Variants in ITSN1 observed in about 807,000 individuals in gnomAD.
ITSN1 encodes the protein intersectin 1.
A neutral mutation model predicts 239.8 loss-of-function variants in ITSN1; 58 were observed. That is an observed-to-expected ratio of 0.24 (90% CI 0.20 to 0.30). The LOEUF (loss-of-function observed/expected upper bound fraction) is 0.30, where lower values mean the gene tolerates loss of function less well. Among genes scored for constraint, ITSN1 ranks in the 10% least tolerant of loss-of-function variants. The probability of loss-of-function intolerance (pLI) is 1.00; values close to 1 mark genes in which losing one functional copy is unlikely to be tolerated. For missense variants in ITSN1, 1,558 were observed against 2,103.3 expected (o/e 0.74, Z 5.07); for synonymous variants, 780 against 770.8 (o/e 1.01, Z -0.20).
chr21:33,854,369 G>A (rs58612291), intron 29 of ITSN1, among the ~76,000 whole-genome samples: 5,095 of 152,302 alleles, frequency 0.033, 132 homozygotes, highest in African/African-American at 0.058. Flanking sequence ...CATCCTGAAC[G>A]CTCCAGGGAC....
chr21:33,784,423 A>C (rs564068435), intron 16 of ITSN1, among the ~76,000 whole-genome samples: 1 of 151,944 alleles, frequency 6.6e-6, no homozygotes, highest in Non-Finnish European at 1.5e-5. Flanking sequence ...GAATCACTTG[A>C]GTCTGGGAGG....
chr21:33,804,602 A>G (rs2072262267), intron 20 of ITSN1, among the ~76,000 whole-genome samples: 1 of 152,220 alleles, frequency 6.6e-6, no homozygotes. Context: ...CGTAGAAAAT[A>G]CATGGCCTCT....
chr21:33,675,315 G>A (rs1330663958), intron 1 of ITSN1, among the ~76,000 whole-genome samples: 1 of 152,096 alleles, frequency 6.6e-6, no homozygotes, highest in Non-Finnish European at 1.5e-5. Flanking sequence ...TGTAATCCCA[G>A]CACTTTGGGA....
At chr21:33,697,018 T>C (rs1375766083) in intron 1 of ITSN1, among the ~76,000 whole-genome samples, 1 of 152,130 alleles carries the variant, frequency 6.6e-6, no homozygotes, top group Non-Finnish European at 1.5e-5. Flanking sequence ...CCTTTATGTA[T>C]GGGCTTTGCA....
chr21:33,668,484 C>T (rs935248564), intron 1 of ITSN1, among the ~76,000 whole-genome samples: 8 of 152,140 alleles, frequency 5.3e-5, no homozygotes, highest in Non-Finnish European at 1.2e-4. Flanking sequence ...CGCCTACTTC[C>T]CTTTTGCTCT....
intron 29 of ITSN1, chr21:33,836,858 C>G: frequency 1.4e-6 from 1 of 712,902 alleles, no homozygotes; most frequent in Non-Finnish European, 2.3e-6. Context: ...TCCCTCCCCT[C>G]CCTCCTTTTT....
intron 21 of ITSN1, 47 bp downstream of exon 21, chr21:33,811,269 G>T (rs556356549): frequency 6.6e-7 from 1 of 1,515,996 alleles, no homozygotes; most frequent in African/African-American, 1.4e-5. Context: ...ATCCCAATTT[G>T]ATCATTTCCC....
intron 1 of ITSN1, among the ~76,000 whole-genome samples, chr21:33,644,246 AT>A (rs1359938505): frequency 6.6e-6 from 1 of 152,208 alleles, no homozygotes; most frequent in Non-Finnish European, 1.5e-5. Context: ...AAGTAAAAAC[AT>A]TGAAAAATAC....
chr21:33,701,816 CTAG>C (rs1191221043), intron 1 of ITSN1, among the ~76,000 whole-genome samples: 1 of 151,586 alleles, frequency 6.6e-6, no homozygotes, highest in Non-Finnish European at 1.5e-5. Flanking sequence ...GGCCGGAATC[CTAG>C]CACTTTGGGA....
Position 33,747,344 on chromosome 21 carries a change from A to G in ITSN1, c.347-2799A>G, listed in dbSNP as rs60248570. ...TAACAAAGTTTCAGAGACTTATGGA[A>G]CAAGACCAAGTTTACCAATATGTGT... is the stretch of plus-strand genomic sequence containing the variant. On this transcript the variant is annotated intron_variant, in intron 5 of 39. Transcript: ENST00000381318. Among the ~76,000 whole-genome samples the G allele has an allele frequency of 1.7e-3, 262 of 152,334 alleles. 1 individual carries two copies. Among genetic ancestry groups the G allele is most frequent in the African/African-American group, 6.1e-3 (252 of 41,568 alleles).
chr21:33,790,405 AGTACT>A (rs2071027750), intron 16 of ITSN1, among the ~76,000 whole-genome samples: 1 of 152,120 alleles, frequency 6.6e-6, no homozygotes, highest in Non-Finnish European at 1.5e-5. Flanking sequence ...TATTTAAGAA[AGTACT>A]GTAATTATGT....
At chr21:33,731,785 A>G (rs2066202741) in intron 4 of ITSN1, among the ~76,000 whole-genome samples, 1 of 152,226 alleles carries the variant, frequency 6.6e-6, no homozygotes, top group Non-Finnish European at 1.5e-5. Flanking sequence ...TAGAAAGGAA[A>G]CTACTTAAAT....
chr21:33,753,871 A>G (rs2067734503), intron 7 of ITSN1, among the ~76,000 whole-genome samples: 1 of 151,264 alleles, frequency 6.6e-6, no homozygotes, highest in African/African-American at 2.4e-5. Flanking sequence ...GATTTGTGAC[A>G]TTAGAATGAA....
At chr21:33,888,122 C>T (rs1602733826) in intron 39 of ITSN1, 30 bp from the exon 40 acceptor site, 1 of 1,342,204 alleles carries the variant, frequency 7.5e-7, no homozygotes, top group African/African-American at 1.9e-5. Flanking sequence ...AATGGTCCCT[C>T]TTAGGAGGGT....
At chr21:33,684,554 A>G (rs754472392) in intron 1 of ITSN1, among the ~76,000 whole-genome samples, 2 of 152,110 alleles carry the variant, frequency 1.3e-5, no homozygotes, top group African/African-American at 4.8e-5. Flanking sequence ...TAAAACCTGT[A>G]TTTGGGGGTA....
rs139147798 is a variant in ITSN1 at position 33,872,418 on chromosome 21, A to G, written c.4174-2936A>G. ...GATATATTATAAAACCCTCAAAATGATAATATGTATGAAATGGACATGGAA... is the reference window on the plus strand; with the variant it reads ...GATATATTATAAAACCCTCAAAATGGTAATATGTATGAAATGGACATGGAA... On this transcript the variant is annotated intron_variant, in intron 33 of 39. Transcript: ENST00000381318. Among the ~76,000 whole-genome samples the G allele has an allele frequency of 1.7e-4, 26 of 152,378 alleles. No individual in the cohort carries two copies. The East Asian group carries it at 4.6e-3, about 27-fold the overall frequency.
intron 22 of ITSN1, among the ~76,000 whole-genome samples, chr21:33,815,633 C>T (rs747593743): frequency 5.3e-5 from 8 of 152,100 alleles, no homozygotes; most frequent in Non-Finnish European, 1.0e-4. Flanking sequence ...AAGAACCAGC[C>T]ATGTTGCCAG....
At chr21:33,647,422 CTA>C (rs999120606) in intron 1 of ITSN1, among the ~76,000 whole-genome samples, 6 of 151,620 alleles carry the variant, frequency 4.0e-5, no homozygotes, top group African/African-American at 1.5e-4. Context: ...GTGTCTTTTC[CTA>C]TATATATATT....
chr21:33,817,525 A>T (rs141736286), intron 22 of ITSN1: 1 of 1,304,526 alleles, frequency 7.7e-7, no homozygotes, highest in Non-Finnish European at 1.0e-6. Flanking sequence ...AGTATATTTC[A>T]TTCTGCCAGG....
Sources: gnomAD v4.1 joint callset for allele counts (sites outside exome capture counted in the v4.1 genomes callset) on GRCh38, gnomAD v4.1.1 for gene constraint, MANE v1.5 for transcripts, NCBI Gene and HGNC (gene_info 2026-07-23, HGNC 2026-07-21) for gene names.